EXPH5: variants seen among roughly 807,000 people sequenced by gnomAD.
The protein encoded by EXPH5 is exophilin-5.
In EXPH5, 42 loss-of-function variants were observed where a neutral mutation model predicts 41.1. The observed-to-expected ratio is 1.02, with a 90% CI of 0.80 to 1.32. The LOEUF (loss-of-function observed/expected upper bound fraction) is 1.32. Among genes scored for constraint, EXPH5 ranks in the 40% most tolerant of loss-of-function variants. The pLI, the probability that EXPH5 is intolerant of heterozygous loss-of-function variation, is 0.00. For missense variants in EXPH5, 2,298 were observed against 2,314.5 expected (o/e 0.99, Z 0.15); for synonymous variants, 798 against 833.5 (o/e 0.96, Z 0.73).
chr11:108,513,901 C>G lies in EXPH5; in HGVS notation c.1606G>C (p.Gly536Arg). The G allele has an allele frequency of 1.2e-6, 2 of 1,610,844 alleles. No individual in the cohort carries two copies. Among genetic ancestry groups the G allele is most frequent in the Non-Finnish European group, 1.7e-6 (2 of 1,178,942 alleles). ...CCTCTGGAAACATCTGTTCCATAACCAGAAGAAAATGATTCCCAGTGTTCA... is the reference window on the plus strand; with the variant it reads ...CCTCTGGAAACATCTGTTCCATAACGAGAAGAAAATGATTCCCAGTGTTCA... ...SSEHWESFSS[G>R]YGTDVSRGQE... Residue 536 changes from glycine to arginine, a missense_variant, in exon 6 of 6, where the codon GGT (glycine) becomes CGT (arginine). Physicochemically the swap from Gly to Arg is moderately radical, Grantham distance 125. Coordinates refer to ENST00000265843, the MANE Select transcript of EXPH5 (RefSeq NM_015065.3).
Position 108,511,752 on chromosome 11 carries a change from A to G in EXPH5, c.3755T>C (p.Ile1252Thr), listed in dbSNP as rs764941111. Residue 1252 changes from isoleucine (I) to threonine (T), a missense_variant, in exon 6 of 6, where the codon ATA becomes ACA. Coordinates refer to ENST00000265843, the MANE Select transcript of EXPH5 (RefSeq NM_015065.3). ...GGGTTTCCTCGGTAGAGTGTAATAT[A>G]TTGAGACCACCTCCAGACATTTTAC... ...DNVKCLEVVSIYYTLPRKPSK... is the reference protein window; with the variant it reads ...DNVKCLEVVSTYYTLPRKPSK... 1.2e-6 allele frequency: 2 copies of G among 1,612,434 alleles called. No homozygotes were observed. The highest frequency in any genetic ancestry group is 1.7e-6 in the Non-Finnish European group (2 of 1,179,622).
chr11:108,527,317 C>G (rs965097250), intron 4 of EXPH5, among the ~76,000 whole-genome samples: 3 of 151,252 alleles, frequency 2.0e-5, no homozygotes, highest in African/African-American at 4.9e-5. Flanking sequence ...GAGAAACTGT[C>G]TCAAAAAAAA....
Position 108,511,264 on chromosome 11 carries a change from G to A in EXPH5, c.4243C>T (p.Gln1415Ter). Residue 1415 changes from glutamine (Q) to a stop codon, truncating the protein, a stop_gained, in exon 6 of 6, where the codon CAA (glutamine) becomes TAA (stop). Coordinates refer to ENST00000265843, the MANE Select transcript of EXPH5 (RefSeq NM_015065.3). LOFTEE classifies it low-confidence loss of function (END_TRUNC). ...CCACTGTTACTTGAATTAATGGATT[G>A]TTGACAATTTTCAGATTTTTCTTCG... ...VSEEKSENCQ[Q>*]SINSSNSGPS... is the part of the protein sequence containing the mutation. 2.5e-6 allele frequency: 4 copies of A among 1,607,704 alleles called. No homozygotes were observed. The highest frequency in any genetic ancestry group is 3.4e-6 in the Non-Finnish European group (4 of 1,178,472).
In EXPH5 at chr11:108,514,472, T is replaced by A; in HGVS notation, c.1035A>T (p.Pro345=). 3.1e-6 allele frequency: 5 copies of A among 1,613,344 alleles called. No individual in the cohort carries two copies. The highest frequency in any genetic ancestry group is 4.2e-6 in the Non-Finnish European group (5 of 1,179,674). Residue 345 remains proline, a synonymous_variant, in exon 6 of 6, where the codon CCA becomes CCT. Coordinates refer to ENST00000265843, the MANE Select transcript of EXPH5 (RefSeq NM_015065.3). ...ACCCACTCTTGCTCTGAGTTGTGGC[T>A]GGAAAATGTAAGCTTCTTGCTGTGA... ...GHFTARSLHF[P]ATTQSKSGFI...
intron 1 of EXPH5, among the ~76,000 whole-genome samples, chr11:108,593,139 G>A (rs1190489490): frequency 6.6e-6 from 1 of 152,200 alleles, no homozygotes; most frequent in Non-Finnish European, 1.5e-5. Context: ...GCGTCACTGC[G>A]CGGCCCCCGC....
intron 3 of EXPH5, among the ~76,000 whole-genome samples, chr11:108,534,309 T>C (rs1460763333): frequency 1.3e-5 from 2 of 152,222 alleles, no homozygotes; most frequent in Non-Finnish European, 2.9e-5. Flanking sequence ...CTGTCATGTG[T>C]ATAAAACAAG....
chr11:108,581,160 C>T (rs11212716), intron 1 of EXPH5, among the ~76,000 whole-genome samples: 37,915 of 151,788 alleles, frequency 0.25, 5,254 homozygotes, highest in South Asian at 0.37. Context: ...AAAAATTAGC[C>T]AGGCGTGGTG....
At chr11:108,547,010 C>G (rs2093941474) in intron 1 of EXPH5, among the ~76,000 whole-genome samples, 1 of 151,764 alleles carries the variant, frequency 6.6e-6, no homozygotes, top group Non-Finnish European at 1.5e-5. Context: ...ACCATATTGG[C>G]CAGGCTAGTC....
Position 108,509,635 on chromosome 11 carries a change from T to C in EXPH5, c.5872A>G (p.Ile1958Val). The C allele has an allele frequency of 2.5e-6, 4 of 1,613,460 alleles. No homozygotes were observed. Among genetic ancestry groups the C allele is most frequent in the Non-Finnish European group, 3.4e-6 (4 of 1,179,748 alleles). The change falls in exon 6 of 6, where the codon ATC (isoleucine) becomes GTC (valine). Residue 1958 changes from isoleucine to valine, a missense_variant. Ile to Val is a conservative substitution (Grantham distance 29). Coordinates refer to ENST00000265843, the MANE Select transcript of EXPH5 (RefSeq NM_015065.3). ...GAGTCCACTGGGTCATCCTCATAGA[T>C]ATTAAGCGGTTCACTTGGAGATAAG... ...DGLSPSEPLN[I>V]YEDDPVDSDC...
At chr11:108,560,175 G>T (rs1000546437) in intron 1 of EXPH5, among the ~76,000 whole-genome samples, 15 of 152,186 alleles carry the variant, frequency 9.9e-5, no homozygotes, top group African/African-American at 3.6e-4. Flanking sequence ...ACTGCTCTTG[G>T]TTCCCATCAG....
At chr11:108,519,837 C>T (rs1484159425) in intron 4 of EXPH5, among the ~76,000 whole-genome samples, 2 of 150,960 alleles carry the variant, frequency 1.3e-5, no homozygotes, top group Non-Finnish European at 2.9e-5. Context: ...GTAATCCCAG[C>T]TACCTGGGAG....
chr11:108,573,184 GAAAGAAAGAAAGAAAA>G (rs2094068096), intron 1 of EXPH5, among the ~76,000 whole-genome samples: 3 of 140,370 alleles, frequency 2.1e-5, no homozygotes, highest in African/African-American at 9.0e-5. Context: ...AAGAAAGAAA[GAAAGAAAGAAAGAAAA>G]AGAAAGAAAG....
intron 1 of EXPH5, among the ~76,000 whole-genome samples, chr11:108,547,519 T>A (rs1207795908): frequency 1.3e-5 from 2 of 152,164 alleles, no homozygotes; most frequent in Non-Finnish European, 2.9e-5. Flanking sequence ...ACAGCCCTTT[T>A]TGTCATTCTT....
At chr11:108,574,079 T>TG (rs945882914) in intron 1 of EXPH5, among the ~76,000 whole-genome samples, 2 of 139,590 alleles carry the variant, frequency 1.4e-5, no homozygotes, top group African/African-American at 6.1e-5. Context: ...TTTTGTGTGT[T>TG]TTTTTTTTTT....
chr11:108,509,463 G>T lies in EXPH5; in HGVS notation c.*74C>A. 7.3e-7 allele frequency: 1 copy of T among 1,361,536 alleles called. No homozygotes were observed. Among genetic ancestry groups the T allele is most frequent in the Non-Finnish European group, 9.9e-7 (1 of 1,005,882 alleles). 84.3% of individuals were successfully genotyped at this position (1,361,536 alleles called of 1,614,324 possible). A position where few individuals can be genotyped will look rare whatever the true frequency, so the allele number is the denominator to read the frequency against. On this transcript the variant is annotated 3_prime_UTR_variant, in exon 6 of 6. Transcript: ENST00000265843. The stretch of plus-strand genomic sequence containing the variant: ...CAGACTAGATCTTTTATCCTTCCAT[G>T]CACATGCACATGTACACCTTAGTTC...
intron 1 of EXPH5, among the ~76,000 whole-genome samples, chr11:108,581,447 T>C (rs2094097939): frequency 6.6e-6 from 1 of 152,182 alleles, no homozygotes; most frequent in Admixed American, 6.5e-5. Context: ...CTAATCACCA[T>C]GTATTATACG....
At chr11:108,582,742 T>C (rs2094102269) in intron 1 of EXPH5, among the ~76,000 whole-genome samples, 1 of 152,176 alleles carries the variant, frequency 6.6e-6, no homozygotes, top group Non-Finnish European at 1.5e-5. Context: ...ATGCTCCCTC[T>C]GGGGGCACTA....
At chr11:108,593,838 T>G, upstream of EXPH5, 2 of 1,194,618 alleles carry the variant, frequency 1.7e-6, no homozygotes, top group South Asian at 1.3e-5. Flanking sequence ...CCCTCCCTCG[T>G]CCCCTCCCTC....
At chr11:108,559,854 C>T (rs924856096) in intron 1 of EXPH5, among the ~76,000 whole-genome samples, 3 of 152,228 alleles carry the variant, frequency 2.0e-5, no homozygotes, top group African/African-American at 7.2e-5. Context: ...ATTACTTTCA[C>T]TTCTCATACT....
Sources: allele counts gnomAD v4.1 joint callset (sites outside exome capture counted in the v4.1 genomes callset), GRCh38; gene constraint gnomAD v4.1.1; transcripts MANE v1.5; gene names NCBI Gene and HGNC (gene_info 2026-07-23, HGNC 2026-07-21).